Variants in FSTL5 observed in about 807,000 individuals in gnomAD.
The protein encoded by FSTL5 is follistatin-related protein 5.
In FSTL5, 62 loss-of-function variants were observed where a neutral mutation model predicts 89.1. That is an observed-to-expected ratio of 0.70 (90% CI 0.57 to 0.86). The LOEUF (loss-of-function observed/expected upper bound fraction) is 0.86. Ranked by LOEUF, FSTL5 falls within the 40% of genes least tolerant of loss-of-function variation. The probability of loss-of-function intolerance (pLI) is 0.00; values close to 1 mark genes in which losing one functional copy is unlikely to be tolerated. For missense variants in FSTL5, 1,057 were observed against 1,001.6 expected (o/e 1.06, Z -0.75); for synonymous variants, 383 against 346.2 (o/e 1.11, Z -1.18).
rs984398547 is a variant in FSTL5 at position 161,958,515 on chromosome 4, T to C, written c.161-37863A>G. Among the ~76,000 whole-genome samples the C allele has an allele frequency of 3.9e-5, 6 of 152,124 alleles. No homozygotes were observed. The East Asian group carries it at 9.6e-4, about 24-fold the overall frequency. ...GCATAGACACAATTTGGTCTCTTTG[T>C]TTATTACTTTTTAAGTTTTATTGAT... On this transcript the variant is annotated intron_variant, in intron 3 of 15. Coordinates refer to ENST00000306100, the MANE Select transcript of FSTL5 (RefSeq NM_020116.5).
intron 4 of FSTL5, among the ~76,000 whole-genome samples, chr4:161,795,255 C>T (rs1056826036): frequency 6.6e-6 from 1 of 152,034 alleles, no homozygotes. Context: ...CACAACATTA[C>T]ATTGTATTTC....
chr4:161,735,529 C>T (rs1252502708), intron 6 of FSTL5, among the ~76,000 whole-genome samples: 1 of 152,082 alleles, frequency 6.6e-6, no homozygotes, highest in African/African-American at 2.4e-5. Flanking sequence ...TGAGGTTATC[C>T]TGTTTTCCAT....
At chr4:161,489,124 C>T (rs923089425) in intron 12 of FSTL5, among the ~76,000 whole-genome samples, 2 of 152,044 alleles carry the variant, frequency 1.3e-5, no homozygotes, top group African/African-American at 4.8e-5. Flanking sequence ...TAAAAAGACA[C>T]AACTGTAGGG....
chr4:162,010,421 C>T (rs1736726438), intron 3 of FSTL5, among the ~76,000 whole-genome samples: 3 of 151,964 alleles, frequency 2.0e-5, no homozygotes, highest in African/African-American at 7.2e-5. Flanking sequence ...AATAATCATG[C>T]TAAAAGGAAA....
intron 2 of FSTL5, among the ~76,000 whole-genome samples, chr4:162,100,663 T>A (rs1730960530): frequency 6.6e-6 from 1 of 151,992 alleles, no homozygotes; most frequent in South Asian, 2.1e-4. Flanking sequence ...AACTATGAAC[T>A]TTGGGTGATG....
chr4:161,517,042 C>T (rs532679359), intron 10 of FSTL5, among the ~76,000 whole-genome samples: 1 of 152,044 alleles, frequency 6.6e-6, no homozygotes, highest in South Asian at 2.1e-4. Flanking sequence ...AAGTGTGCCA[C>T]CATACCTGGC....
intron 6 of FSTL5, among the ~76,000 whole-genome samples, chr4:161,722,438 TA>T (rs1579047966): frequency 6.6e-6 from 1 of 151,950 alleles, no homozygotes; most frequent in Non-Finnish European, 1.5e-5. Context: ...CAATTTCAAA[TA>T]TTTTTTTCTC....
intron 6 of FSTL5, among the ~76,000 whole-genome samples, chr4:161,757,824 G>A (rs751965999): frequency 5.9e-5 from 9 of 152,046 alleles, no homozygotes; most frequent in Non-Finnish European, 1.2e-4. Context: ...TCTCCATGTT[G>A]TCCAGGCTGG....
At chr4:161,827,797 A>G (rs948603940) in intron 4 of FSTL5, among the ~76,000 whole-genome samples, 1 of 152,128 alleles carries the variant, frequency 6.6e-6, no homozygotes, top group Non-Finnish European at 1.5e-5. Context: ...TCTCACTCCC[A>G]TCATTCTCCC....
rs542807627 is a variant in FSTL5 at position 162,120,696 on chromosome 4, A to G, written c.-16-9284T>C. Among the ~76,000 whole-genome samples the G allele has an allele frequency of 7.2e-5, 11 of 152,198 alleles. No homozygotes were observed. In the South Asian group the frequency reaches 2.3e-3, roughly 32 times the overall value. ...AAGTGAAGTTAACAGTATGCTCATG[A>G]TAAAAAGTGGTTCTAGAATACAGCT... On this transcript the variant is annotated intron_variant, in intron 1 of 15. Coordinates refer to ENST00000306100, the MANE Select transcript of FSTL5 (RefSeq NM_020116.5).
chr4:161,552,016 C>A (rs1319822873), intron 8 of FSTL5, among the ~76,000 whole-genome samples: 2 of 151,938 alleles, frequency 1.3e-5, no homozygotes, highest in East Asian at 3.9e-4. Flanking sequence ...AGCTTCTGCA[C>A]AGCAAAAGAA....
At chr4:161,702,918 G>T (rs1738448144) in intron 6 of FSTL5, among the ~76,000 whole-genome samples, 1 of 151,980 alleles carries the variant, frequency 6.6e-6, no homozygotes, top group African/African-American at 2.4e-5. Context: ...CATGAATGAG[G>T]CTGTATTTGG....
At chr4:161,978,691 A>G (rs570710184) in intron 3 of FSTL5, among the ~76,000 whole-genome samples, 1 of 152,078 alleles carries the variant, frequency 6.6e-6, no homozygotes, top group African/African-American at 2.4e-5. Flanking sequence ...ACGGCTCCCT[A>G]GTTTCTGTAG....
intron 6 of FSTL5, among the ~76,000 whole-genome samples, chr4:161,697,857 G>A (rs1738226790): frequency 1.3e-5 from 2 of 152,052 alleles, no homozygotes; most frequent in Admixed American, 1.3e-4. Context: ...TTGGTTTGAA[G>A]TTTATTATTG....
chr4:161,448,026 G>GT (rs1225919485), intron 15 of FSTL5, among the ~76,000 whole-genome samples: 3 of 152,078 alleles, frequency 2.0e-5, no homozygotes, highest in Non-Finnish European at 4.4e-5. Context: ...AGTAAAAAAG[G>GT]TAAAGAAACT....
chr4:162,121,573 A>T (rs1314981187), intron 1 of FSTL5, among the ~76,000 whole-genome samples: 3 of 152,060 alleles, frequency 2.0e-5, no homozygotes, highest in African/African-American at 7.2e-5. Flanking sequence ...CCTTGCTGAA[A>T]GCGGAGGTCT....
chr4:161,981,282 G>T (rs1257104537), intron 3 of FSTL5, among the ~76,000 whole-genome samples: 1 of 152,006 alleles, frequency 6.6e-6, no homozygotes, highest in Non-Finnish European at 1.5e-5. Flanking sequence ...CACAGCACAT[G>T]GTCTCTACCA....
rs751280313 is a variant in FSTL5 at position 161,783,661 on chromosome 4, T to C, written c.410-7587A>G. On this transcript the variant is annotated intron_variant, in intron 4 of 15. Transcript: ENST00000306100. ...TCTTTCTTTCTCTCTCTTTCTTTCT[T>C]TCTCTTTCTTTCTTTCTCTTTCTTT... 1.4e-3 allele frequency among the ~76,000 whole-genome samples: 95 copies of C among 68,150 alleles called. 8 individuals carry two copies. Among genetic ancestry groups the C allele is most frequent in the East Asian group, 5.2e-3 (11 of 2,112 alleles). 44.7% of individuals were successfully genotyped at this position (68,150 alleles called of 152,430 possible).
chr4:162,145,957 A>G (rs1732957688), intron 1 of FSTL5, among the ~76,000 whole-genome samples: 1 of 152,182 alleles, frequency 6.6e-6, no homozygotes, highest in African/African-American at 2.4e-5. Context: ...CTGTGACCAG[A>G]TCATGAAACA....
Sources: allele counts gnomAD v4.1 joint callset (sites outside exome capture counted in the v4.1 genomes callset), GRCh38; gene constraint gnomAD v4.1.1; transcripts MANE v1.5; gene names NCBI Gene and HGNC (gene_info 2026-07-23, HGNC 2026-07-21).